The following CNTLN variants were observed in gnomAD, a reference collection of about 807,000 sequenced individuals.
CNTLN encodes the protein centlein.
A neutral mutation model predicts 180.0 loss-of-function variants in CNTLN; 212 were observed. The ratio of observed to expected loss-of-function variants is 1.18; its 90% CI spans 1.05 to 1.32. CNTLN has a LOEUF of 1.32. Ranked by LOEUF, CNTLN falls within the 40% of genes most tolerant of loss-of-function variation. The probability of loss-of-function intolerance (pLI) is 0.00; values close to 1 mark genes in which losing one functional copy is unlikely to be tolerated. For missense variants in CNTLN, 2,095 were observed against 1,610.9 expected (o/e 1.30, Z -5.14); for synonymous variants, 722 against 563.1 (o/e 1.28, Z -3.99).
At chr9:17,283,877 G>A (rs1828814108) in intron 6 of CNTLN, among the ~76,000 whole-genome samples, 1 of 152,122 alleles carries the variant, frequency 6.6e-6, no homozygotes, top group South Asian at 2.1e-4. Context: ...CTTTAGTTCT[G>A]TTTATGTGAT....
chr9:17,451,484 C>T (rs1357770916), intron 18 of CNTLN, among the ~76,000 whole-genome samples: 2 of 152,192 alleles, frequency 1.3e-5, no homozygotes, highest in African/African-American at 4.8e-5. Context: ...AGATCATTCT[C>T]GTTTAATGAT....
At chr9:17,434,129 GTCT>G (rs1423124792) in intron 18 of CNTLN, among the ~76,000 whole-genome samples, 1 of 152,016 alleles carries the variant, frequency 6.6e-6, no homozygotes, top group East Asian at 1.9e-4. Context: ...GAGGATTTGT[GTCT>G]TCTTTTTATT....
chr9:17,440,234 T>C (rs1172128198), intron 18 of CNTLN, among the ~76,000 whole-genome samples: 5 of 151,170 alleles, frequency 3.3e-5, no homozygotes, highest in African/African-American at 9.7e-5. Flanking sequence ...AAACATAGAG[T>C]TACCAAATAA....
chr9:17,348,082 C>A (rs555248140), intron 12 of CNTLN, among the ~76,000 whole-genome samples: 8 of 152,158 alleles, frequency 5.3e-5, no homozygotes, highest in African/African-American at 1.7e-4. Context: ...CTGTCTGCCT[C>A]CACCTCCCAA....
At chr9:17,297,073 C>T (rs973896706) in intron 6 of CNTLN, among the ~76,000 whole-genome samples, 18 of 152,288 alleles carry the variant, frequency 1.2e-4, no homozygotes, top group Admixed American at 5.9e-4. Context: ...TCCATATCCA[C>T]GGATTCAACC....
intron 12 of CNTLN, among the ~76,000 whole-genome samples, chr9:17,343,296 C>A (rs1454514777): frequency 6.6e-6 from 1 of 152,112 alleles, no homozygotes; most frequent in Non-Finnish European, 1.5e-5. Context: ...AGAGTTAATG[C>A]CTGACACTCA....
intron 21 of CNTLN, 39 bp from the exon 22 acceptor site, chr9:17,465,942 C>A: frequency 2.0e-6 from 3 of 1,526,972 alleles, no homozygotes; most frequent in Non-Finnish European, 2.7e-6. Flanking sequence ...TACTAGAATG[C>A]CTTCAACAAT....
At chr9:17,506,628 T>G (rs1028229015), downstream of CNTLN, among the ~76,000 whole-genome samples, 2 of 152,140 alleles carry the variant, frequency 1.3e-5, no homozygotes, top group African/African-American at 4.8e-5. Flanking sequence ...TTCTTCCCAG[T>G]AGCAAAAATG....
the CNTLN span, among the ~76,000 whole-genome samples, chr9:17,522,085 T>A: frequency 1.7e-4 from 26 of 152,172 alleles, no homozygotes; most frequent in Admixed American, 8.5e-4. Context: ...TCTGCTATAC[T>A]TTGCTATGAT....
chr9:17,525,762 A>G, the CNTLN span, among the ~76,000 whole-genome samples: 1 of 152,172 alleles, frequency 6.6e-6, no homozygotes, highest in Non-Finnish European at 1.5e-5. Context: ...TAGAGAAATG[A>G]CTGAATTCAT....
At chr9:17,210,817 A>AT in intron 2 of CNTLN, among the ~76,000 whole-genome samples, 1 of 152,166 alleles carries the variant, frequency 6.6e-6, no homozygotes, top group Non-Finnish European at 1.5e-5. Context: ...GATGATGAGC[A>AT]TTTTTTCATG....
In CNTLN at chr9:17,457,525, A is replaced by G. The variant is rs1338983660; in HGVS notation, c.3116A>G (p.Lys1039Arg). 1 of 1,436,346 alleles carries G rather than the reference A, an allele frequency of 7.0e-7. No individual in the cohort carries two copies. The highest frequency in any genetic ancestry group is 2.6e-5 in the East Asian group (1 of 38,784). 89.0% of individuals were successfully genotyped at this position (1,436,346 alleles called of 1,614,324 possible). A position where few individuals can be genotyped will look rare whatever the true frequency, so the allele number is the denominator to read the frequency against. Residue 1039 changes from lysine (K) to arginine (R), a missense_variant and splice_region_variant, in exon 19 of 26, where the codon AAG becomes AGG. Lys to Arg is a conservative substitution (Grantham distance 26, BLOSUM62 2). Coordinates refer to ENST00000380647, the MANE Select transcript of CNTLN (RefSeq NM_017738.4). ...RFQTSRQTIK[K>R]LNLDLAGLRK... ...TTATTTTCTTTTTTTAAAAAAAAGAAGCTAAATTTGGATTTGGCTGGGCTT... is the reference window on the plus strand; with the variant it reads ...TTATTTTCTTTTTTTAAAAAAAAGAGGCTAAATTTGGATTTGGCTGGGCTT...
chr9:17,495,267 G>A (rs1238520937), intron 25 of CNTLN, among the ~76,000 whole-genome samples: 1 of 151,960 alleles, frequency 6.6e-6, no homozygotes, highest in Non-Finnish European at 1.5e-5. Flanking sequence ...GCCTAAGGCA[G>A]GTCCTTCAGG....
intron 5 of CNTLN, among the ~76,000 whole-genome samples, chr9:17,268,554 C>T (rs1390223424): frequency 6.6e-6 from 1 of 152,186 alleles, no homozygotes; most frequent in Admixed American, 6.5e-5. Context: ...AGAACCACTA[C>T]TCTCTTCAAA....
At chr9:17,410,781 C>T (rs1369347256) in intron 16 of CNTLN, among the ~76,000 whole-genome samples, 11 of 152,068 alleles carry the variant, frequency 7.2e-5, no homozygotes, top group Admixed American at 7.2e-4. Flanking sequence ...TTGTCATTAA[C>T]TTTTTCCTTA....
intron 5 of CNTLN, among the ~76,000 whole-genome samples, chr9:17,264,077 G>A (rs578050486): frequency 2.8e-5 from 4 of 144,374 alleles, no homozygotes; most frequent in Non-Finnish European, 4.5e-5. Context: ...TTTGGCTTTC[G>A]TTGCCATTGC....
intron 13 of CNTLN, among the ~76,000 whole-genome samples, chr9:17,376,335 G>A (rs1235123013): frequency 6.6e-6 from 1 of 151,652 alleles, no homozygotes; most frequent in Non-Finnish European, 1.5e-5. Flanking sequence ...CATTCGAGCA[G>A]TAAGAAAGAA....
At chr9:17,310,608 A>C (rs1300108204) in intron 8 of CNTLN, among the ~76,000 whole-genome samples, 1 of 152,136 alleles carries the variant, frequency 6.6e-6, no homozygotes, top group South Asian at 2.1e-4. Flanking sequence ...ATCCTGGACT[A>C]TAAAGTGTGA....
chr9:17,468,935 G>A (rs776965902), intron 23 of CNTLN, among the ~76,000 whole-genome samples: 2 of 151,796 alleles, frequency 1.3e-5, no homozygotes, highest in Non-Finnish European at 3.0e-5. Flanking sequence ...GTGTTTTCAC[G>A]ACTTTTTAAT....
Sources: gnomAD v4.1 joint callset for allele counts (sites outside exome capture counted in the v4.1 genomes callset) on GRCh38, gnomAD v4.1.1 for gene constraint, MANE v1.5 for transcripts, NCBI Gene and HGNC (gene_info 2026-07-23, HGNC 2026-07-21) for gene names.